Variants in NAALADL2 observed in about 807,000 individuals in gnomAD.
The protein encoded by NAALADL2 is inactive N-acetylated-alpha-linked acidic dipeptidase-like protein 2.
Under a neutral mutation model 87.2 loss-of-function variants are expected in NAALADL2, and 76 were observed. The ratio of observed to expected loss-of-function variants is 0.87; its 90% CI spans 0.72 to 1.05. NAALADL2 has a LOEUF of 1.05. Ranked by LOEUF, NAALADL2 falls within the 50% of genes least tolerant of loss-of-function variation. The pLI, the probability that NAALADL2 is intolerant of heterozygous loss-of-function variation, is 0.00. For missense variants in NAALADL2, 1,089 were observed against 945.8 expected (o/e 1.15, Z -1.99); for synonymous variants, 354 against 331.0 (o/e 1.07, Z -0.75).
At chr3:174,931,497 G>A (rs1330215454) in intron 1 of NAALADL2, among the ~76,000 whole-genome samples, 1 of 152,130 alleles carries the variant, frequency 6.6e-6, no homozygotes, top group African/African-American at 2.4e-5. Context: ...TTAGTACTAT[G>A]GTGATGGTCC....
At chr3:175,296,031 A>G (rs1560308239) in intron 4 of NAALADL2, among the ~76,000 whole-genome samples, 2 of 39,334 alleles carry the variant, frequency 5.1e-5, no homozygotes, top group Admixed American at 2.4e-4. Flanking sequence ...ATAATTTCCA[A>G]CTTAGTTTAC....
chr3:175,113,537 A>C (rs1469269939), intron 2 of NAALADL2, among the ~76,000 whole-genome samples: 1 of 151,602 alleles, frequency 6.6e-6, no homozygotes, highest in African/African-American at 2.4e-5. Context: ...CCAGCTAACA[A>C]GTTAGCTTGC....
intron 3 of NAALADL2, among the ~76,000 whole-genome samples, chr3:174,756,526 ATTAAG>A (rs778873210): frequency 2.8e-4 from 42 of 152,228 alleles, no homozygotes; most frequent in Non-Finnish European, 5.3e-4. Flanking sequence ...GCCAAATAGT[ATTAAG>A]TTATTTAGTT....
intron 9 of NAALADL2, among the ~76,000 whole-genome samples, chr3:175,542,398 G>A (rs908086019): frequency 6.6e-6 from 1 of 152,148 alleles, no homozygotes; most frequent in African/African-American, 2.4e-5. Context: ...GGCATTTGTG[G>A]GAAACTGGTT....
intron 11 of NAALADL2, among the ~76,000 whole-genome samples, chr3:175,705,351 T>A (rs182258441): frequency 1.1e-3 from 162 of 151,952 alleles, no homozygotes; most frequent in African/African-American, 3.7e-3. Context: ...ACTAGTTGGA[T>A]TTTTTTTAAT....
chr3:175,611,397 A>AT (rs1447996727), intron 10 of NAALADL2, among the ~76,000 whole-genome samples: 3 of 151,860 alleles, frequency 2.0e-5, no homozygotes, highest in African/African-American at 4.8e-5. Flanking sequence ...CAGTTTTTCT[A>AT]TTTTTTTTCC....
chr3:174,658,757 TAAGA>T (rs1238548947), intron 2 of NAALADL2, among the ~76,000 whole-genome samples: 4 of 152,198 alleles, frequency 2.6e-5, no homozygotes, highest in African/African-American at 9.7e-5. Context: ...TTCTAAGTGA[TAAGA>T]AAGCATTTTA....
chr3:174,557,671 C>T (rs751453165), intron 2 of NAALADL2, among the ~76,000 whole-genome samples: 9 of 151,652 alleles, frequency 5.9e-5, no homozygotes, highest in African/African-American at 1.5e-4. Context: ...ATGAGGTAGT[C>T]GTCTGGAGGA....
chr3:174,985,261 G>C (rs2108675320), intron 1 of NAALADL2, among the ~76,000 whole-genome samples: 1 of 152,294 alleles, frequency 6.6e-6, no homozygotes, highest in East Asian at 1.9e-4. Flanking sequence ...AGATTCCGAA[G>C]TGTAGAGATA....
intron 2 of NAALADL2, among the ~76,000 whole-genome samples, chr3:175,206,610 T>C (rs1185115366): frequency 6.6e-6 from 1 of 151,852 alleles, no homozygotes; most frequent in South Asian, 2.1e-4. Context: ...GTTCAGTGTA[T>C]ACTGCTCGGG....
intron 2 of NAALADL2, among the ~76,000 whole-genome samples, chr3:174,707,023 A>G (rs1258033101): frequency 6.6e-6 from 1 of 152,238 alleles, no homozygotes; most frequent in Non-Finnish European, 1.5e-5. Context: ...ACATTTATGC[A>G]GCCAACAGAC....
chr3:175,234,502 A>T (rs1745498464), intron 3 of NAALADL2, among the ~76,000 whole-genome samples: 1 of 152,208 alleles, frequency 6.6e-6, no homozygotes, highest in Non-Finnish European at 1.5e-5. Flanking sequence ...ACAGCTTTGG[A>T]GAGGCAAAAT....
intron 11 of NAALADL2, among the ~76,000 whole-genome samples, chr3:175,697,108 G>T (rs1433608305): frequency 6.6e-6 from 1 of 151,990 alleles, no homozygotes; most frequent in Non-Finnish European, 1.5e-5. Context: ...GAGCATTTTG[G>T]ATATGTCAAT....
chr3:174,895,211 TAAAC>T (rs769995097), intron 1 of NAALADL2, among the ~76,000 whole-genome samples: 3 of 150,848 alleles, frequency 2.0e-5, no homozygotes, highest in African/African-American at 7.3e-5. Context: ...TAAAATGAAA[TAAAC>T]AATACAAAAG....
intron 11 of NAALADL2, among the ~76,000 whole-genome samples, chr3:175,657,609 C>A (rs955862290): frequency 6.7e-5 from 10 of 148,686 alleles, no homozygotes; most frequent in African/African-American, 2.5e-4. Flanking sequence ...GAGACGGAGT[C>A]TTGCTCTGTC....
At chr3:174,627,501 C>CA (rs1483836754) in intron 2 of NAALADL2, among the ~76,000 whole-genome samples, 2 of 152,174 alleles carry the variant, frequency 1.3e-5, no homozygotes, top group East Asian at 3.8e-4. Flanking sequence ...TAAATTAGTA[C>CA]AACATCTGTG....
At chr3:175,436,005 C>T (rs1209953714) in intron 5 of NAALADL2, among the ~76,000 whole-genome samples, 1 of 117,782 alleles carries the variant, frequency 8.5e-6, no homozygotes, top group African/African-American at 3.2e-5. Flanking sequence ...CCCCCCTCCC[C>T]CCACCCCACC....
intron 2 of NAALADL2, among the ~76,000 whole-genome samples, chr3:175,224,538 C>T (rs1743876752): frequency 1.3e-5 from 2 of 152,106 alleles, no homozygotes; most frequent in Admixed American, 1.3e-4. Context: ...TTATTTTACT[C>T]TCCATCCTCC....
intron 11 of NAALADL2, among the ~76,000 whole-genome samples, chr3:175,642,747 G>A (rs544599766): frequency 3.9e-5 from 6 of 152,042 alleles, no homozygotes; most frequent in African/African-American, 4.8e-5. Flanking sequence ...TGATCCTCCC[G>A]CCTCGGCTTC....
Sources: gnomAD v4.1 joint callset for allele counts (sites outside exome capture counted in the v4.1 genomes callset) on GRCh38, gnomAD v4.1.1 for gene constraint, MANE v1.5 for transcripts, NCBI Gene and HGNC (gene_info 2026-07-23, HGNC 2026-07-21) for gene names.